RAVER1: variants seen among roughly 807,000 people sequenced by gnomAD.
RAVER1 encodes ribonucleoprotein PTB-binding 1.
RAVER1 carries 36 observed loss-of-function variants against 68.4 expected under a neutral mutation model. That is an observed-to-expected ratio of 0.53 (90% CI 0.40 to 0.70). RAVER1 has a LOEUF of 0.70. RAVER1 is among the 30% of genes least tolerant of loss of function. The probability of loss-of-function intolerance (pLI) is 0.00; values close to 1 mark genes in which losing one functional copy is unlikely to be tolerated. For missense variants in RAVER1, 933 were observed against 1,019.8 expected (o/e 0.91, Z 1.16); for synonymous variants, 469 against 472.7 (o/e 0.99, Z 0.10).
chr19:10,327,282 G>A (rs2040482406), intron 3 of RAVER1, among the ~76,000 whole-genome samples: 1 of 152,038 alleles, frequency 6.6e-6, no homozygotes, highest in East Asian at 1.9e-4. Flanking sequence ...TGAGATAAGG[G>A]TCTAGCTCTG....
chr19:10,321,733 G>T, intron 6 of RAVER1, 115 bp from the exon 7 acceptor site: 1 of 730,514 alleles, frequency 1.4e-6, no homozygotes, highest in Non-Finnish European at 2.0e-6. Context: ...GCCGATCCTG[G>T]GCAGACAGGC....
rs2040457184 is a variant in RAVER1 at position 10,323,946 on chromosome 19, C to T, written c.757-380G>A. 1.3e-5 allele frequency among the ~76,000 whole-genome samples: 2 copies of T among 151,976 alleles called. No homozygotes were observed. The highest frequency in any genetic ancestry group is 2.9e-5 in the Non-Finnish European group (2 of 67,994). On this transcript the variant is annotated intron_variant, in intron 3 of 12. Transcript: ENST00000617231. The surrounding 1 kb of genome is among the most constrained non-coding windows in gnomAD (Gnocchi z 6.2). ...GGCAGATAACCTGAGGTCGGGAGTTCGAGACCAGCCTGACCAACATGGAGA... is the reference window on the plus strand; with the variant it reads ...GGCAGATAACCTGAGGTCGGGAGTTTGAGACCAGCCTGACCAACATGGAGA...
chr19:10,321,582 G>C lies in RAVER1; in HGVS notation c.1210C>G (p.Leu404Val). ...GILGDSPLGALQPGAQPANPL... is the reference protein window; with the variant it reads ...GILGDSPLGAVQPGAQPANPL... ...TTGGCTGGCTGGGCCCCAGGCTGGA[G>C]GGCGCCCAGGGGTGAGTCTCCCAGG... The change falls in exon 7 of 13, where the codon CTC becomes GTC. Residue 404 changes from leucine (L) to valine (V), a missense_variant. Leu to Val is a conservative substitution (Grantham distance 32). This residue lies in a region of RAVER1 where 699 missense variants were observed against 731.1 expected (regional missense o/e 0.96). Coordinates refer to ENST00000617231, the MANE Select transcript of RAVER1 (RefSeq NM_133452.3). 7.2e-7 allele frequency: 1 copy of C among 1,387,422 alleles called. No individual in the cohort carries two copies. Among genetic ancestry groups the C allele is most frequent in the Non-Finnish European group, 9.4e-7 (1 of 1,064,222 alleles). 85.9% of individuals were successfully genotyped at this position (1,387,422 alleles called of 1,614,324 possible).
intron 1 of RAVER1, among the ~76,000 whole-genome samples, chr19:10,330,789 CG>C (rs754468422): frequency 2.0e-5 from 3 of 152,178 alleles, no homozygotes; most frequent in Non-Finnish European, 4.4e-5. Context: ...GCTGGCTGGG[CG>C]GGGTGGCTCA....
At chr19:10,319,808 T>TA (rs2040420570) in intron 9 of RAVER1, among the ~76,000 whole-genome samples, 1 of 95,692 alleles carries the variant, frequency 1.0e-5, no homozygotes, top group Non-Finnish European at 2.3e-5. Flanking sequence ...AATATATATT[T>TA]TATTATATAT....
chr19:10,330,612 G>T lies in RAVER1; in HGVS notation c.220-86C>A, dbSNP rs538825120. 2.1e-5 allele frequency: 14 copies of T among 677,584 alleles called. No homozygotes were observed. The South Asian group carries it at 2.3e-4, about 11-fold the overall frequency. 42.0% of individuals were successfully genotyped at this position (677,584 alleles called of 1,614,324 possible). On this transcript the variant is annotated intron_variant, in intron 1 of 12. Coordinates refer to ENST00000617231, the MANE Select transcript of RAVER1 (RefSeq NM_133452.3). ...CCGCTTCATAGCTGCCACCAGCTATGAAGGCAGGTCAATTACCACCCCCCA... is the reference window on the plus strand; with the variant it reads ...CCGCTTCATAGCTGCCACCAGCTATTAAGGCAGGTCAATTACCACCCCCCA...
At chr19:10,330,588 C>T (rs372747146) in intron 1 of RAVER1, 62 bp from the exon 2 acceptor site, 17 of 749,938 alleles carry the variant, frequency 2.3e-5, no homozygotes, top group African/African-American at 5.2e-5. Context: ...AACCCAGTGC[C>T]GCTTCATAGC....
rs747916132 is a variant in RAVER1 at position 10,323,500 on chromosome 19, C to T, written c.823G>A (p.Ala275Thr). ...TCCGCCTGCTGCTGTGCCTCCTCCG[C>T]CATCTCAGCCGTCTCATACTCCAGC... ...AVLEYETAEM[A>T]EEAQQQADGL... Residue 275 changes from alanine (A) to threonine (T), a missense_variant, in exon 4 of 13, where the codon GCG (alanine) becomes ACG (threonine). Physicochemically the swap from Ala to Thr is moderately conservative, Grantham distance 58. Coordinates refer to ENST00000617231, the MANE Select transcript of RAVER1 (RefSeq NM_133452.3). This position sits in a 1 kb window ranked among gnomAD's most constrained non-coding sequence, Gnocchi z 6.2. 3 of 1,609,360 alleles carry T rather than the reference C, an allele frequency of 1.9e-6. No individual in the cohort carries two copies. In the South Asian group the frequency reaches 3.3e-5, roughly 18 times the overall value.
intron 1 of RAVER1, among the ~76,000 whole-genome samples, chr19:10,331,547 G>C (rs2040518115): frequency 6.6e-6 from 1 of 151,404 alleles, no homozygotes; most frequent in Non-Finnish European, 1.5e-5. Context: ...TCAGCTGGCT[G>C]TGGTGGCGTG....
At chr19:10,319,351 AC>A in intron 9 of RAVER1, 111 bp from the exon 10 acceptor site, 1 of 1,146,164 alleles carries the variant, frequency 8.7e-7, no homozygotes, top group Non-Finnish European at 1.3e-6. Flanking sequence ...CCACTCTGGG[AC>A]CAGGAAGAGG....
Position 10,318,361 on chromosome 19 carries a change from C to G in RAVER1, c.1857G>C (p.Pro619=), listed in dbSNP as rs981501071. Residue 619 remains proline, a synonymous_variant, in exon 11 of 13, where the codon CCG becomes CCC. Transcript: ENST00000617231. ...HGPSRHKMSP[P]PSGFGERSSG... ...TGCTCCGTTCGCCGAAGCCACTGGG[C>G]GGGGGGGACATCTGTAGAAGAAGGG... is the stretch of plus-strand genomic sequence containing the variant. 5 of 1,598,246 alleles carry G rather than the reference C, an allele frequency of 3.1e-6. No individual in the cohort carries two copies. Among genetic ancestry groups the G allele is most frequent in the Non-Finnish European group, 4.3e-6 (5 of 1,174,188 alleles).
chr19:10,323,573 G>GAGGA lies in RAVER1; in HGVS notation c.757-11_757-8dup. The GAGGA allele has an allele frequency of 6.4e-7, 1 of 1,573,246 alleles. No homozygotes were observed. The highest frequency in any genetic ancestry group is 8.6e-7 in the Non-Finnish European group (1 of 1,161,404). ...CATCCTGGCCGCACGCCAGCTGCCG[G>GAGGA]AGGAAGGCAGGCAGTCATGAGCATC... On this transcript the variant is annotated splice_region_variant and splice_polypyrimidine_tract_variant and intron_variant, in intron 3 of 12. Coordinates refer to ENST00000617231, the MANE Select transcript of RAVER1 (RefSeq NM_133452.3). This position sits in a 1 kb window ranked among gnomAD's most constrained non-coding sequence, Gnocchi z 6.2.
At chr19:10,326,018 G>A (rs1253326599) in intron 3 of RAVER1, among the ~76,000 whole-genome samples, 1 of 152,162 alleles carries the variant, frequency 6.6e-6, no homozygotes, top group Non-Finnish European at 1.5e-5. Flanking sequence ...CACTTGGGGA[G>A]GCCGAGGCAG....
chr19:10,322,719 C>A lies in RAVER1; in HGVS notation c.1099G>T (p.Ala367Ser). The A allele has an allele frequency of 6.6e-7, 1 of 1,515,826 alleles. No individual in the cohort carries two copies. The allele number at this position is 1,515,826 out of a possible 1,614,324, so 93.9% of individuals were successfully genotyped here. ...GKQGLLGAPP[A>S]MPLLNGPALS... Reference sequence around the variant, plus strand: ...GCTGGCCCATTGAGCAGCGGCATGGCTGGGGGGGCACCCAGGAGGCCTGGA... The same window carrying A: ...GCTGGCCCATTGAGCAGCGGCATGGATGGGGGGGCACCCAGGAGGCCTGGA... The change falls in exon 6 of 13, where the codon GCC becomes TCC. Residue 367 changes from alanine (A) to serine (S), a missense_variant. By Grantham distance (99) the Ala-to-Ser change is moderately conservative (BLOSUM62 1). Around this residue, in one of 3 missense-constraint regions of RAVER1, gnomAD observed 699 missense variants for 731.1 expected, o/e 0.96. Coordinates refer to ENST00000617231, the MANE Select transcript of RAVER1 (RefSeq NM_133452.3). The surrounding 1 kb of genome is among the most constrained non-coding windows in gnomAD (Gnocchi z 4.3).
Position 10,328,305 on chromosome 19 carries a change from T to A in RAVER1, c.756+337A>T, listed in dbSNP as rs1049463909. 1.3e-5 allele frequency among the ~76,000 whole-genome samples: 2 copies of A among 152,200 alleles called. No individual in the cohort carries two copies. Among genetic ancestry groups the A allele is most frequent in the Non-Finnish European group, 2.9e-5 (2 of 68,034 alleles). ...CTGGCCAGGTGTGGTGGCTCACGCA[T>A]GTAATCCCAGCACTTTGGGAGGATC... On this transcript the variant is annotated intron_variant, in intron 3 of 12. Transcript: ENST00000617231. The surrounding 1 kb of genome is among the most constrained non-coding windows in gnomAD (Gnocchi z 4.4).
At chr19:10,319,828 T>C (rs1052203902) in intron 9 of RAVER1, among the ~76,000 whole-genome samples, 4 of 150,140 alleles carry the variant, frequency 2.7e-5, no homozygotes, top group South Asian at 2.1e-4. Flanking sequence ...TTTTATAATA[T>C]ATAATTTCTC....
At position 10,333,526 on chromosome 19, in the gene RAVER1, T is replaced by G. The variant is rs749269595; in HGVS notation, c.-19A>C. On this transcript the variant is annotated 5_prime_UTR_variant, in exon 1 of 13. Coordinates refer to ENST00000617231, the MANE Select transcript of RAVER1 (RefSeq NM_133452.3). This position sits in a 1 kb window ranked among gnomAD's most constrained non-coding sequence, Gnocchi z 4.2. ...CCGCCATCTTGGGAAACCCGGCGCC[T>G]TCTGGGACCAGCGAGCCGGGGCGGA... 7.5e-6 allele frequency: 12 copies of G among 1,590,110 alleles called. No individual in the cohort carries two copies. The highest frequency in any genetic ancestry group is 1.0e-5 in the Non-Finnish European group (12 of 1,169,926).
rs750488498 is a variant in RAVER1, at chr19:10,329,488, C to T, written c.287-377G>A. Among the ~76,000 whole-genome samples the T allele has an allele frequency of 5.3e-5, 8 of 152,226 alleles. No homozygotes were observed. Among genetic ancestry groups the T allele is most frequent in the Non-Finnish European group, 7.3e-5 (5 of 68,048 alleles). On this transcript the variant is annotated intron_variant, in intron 2 of 12. Coordinates refer to ENST00000617231, the MANE Select transcript of RAVER1 (RefSeq NM_133452.3). The surrounding 1 kb of genome is among the most constrained non-coding windows in gnomAD (Gnocchi z 4.6). ...GTGGCTTTGGGGGTATCAGTTTCCTCATCTCTCAAATGGATATAACTTAAT... is the reference window on the plus strand; with the variant it reads ...GTGGCTTTGGGGGTATCAGTTTCCTTATCTCTCAAATGGATATAACTTAAT...
chr19:10,330,173 C>A (rs911372025), intron 2 of RAVER1, among the ~76,000 whole-genome samples: 1 of 151,202 alleles, frequency 6.6e-6, no homozygotes, highest in Non-Finnish European at 1.5e-5. Context: ...CTGAGTGAGG[C>A]AAGAGGGGTA....
Sources: allele counts gnomAD v4.1 joint callset (sites outside exome capture counted in the v4.1 genomes callset), GRCh38; gene constraint gnomAD v4.1.1; regional missense constraint gnomAD v4.1.1; non-coding constraint Gnocchi (gnomAD v3.1); transcripts MANE v1.5; gene names NCBI Gene and HGNC (gene_info 2026-07-23, HGNC 2026-07-21).